CNTNAP2: variants seen among roughly 807,000 people sequenced by gnomAD.
The protein encoded by CNTNAP2 is contactin-associated protein-like 2.
Under a neutral mutation model 155.2 loss-of-function variants are expected in CNTNAP2, and 98 were observed. The ratio of observed to expected loss-of-function variants is 0.63; its 90% confidence interval spans 0.54 to 0.75. The LOEUF (loss-of-function observed/expected upper bound fraction) is 0.75. CNTNAP2 is among the 30% of genes least tolerant of loss of function. The pLI is 0.00. For missense variants in CNTNAP2, 1,727 were observed against 1,688.1 expected, an observed-to-expected ratio of 1.02 and a Z score of -0.40; for synonymous variants, 651 against 631.2, an observed-to-expected ratio of 1.03 and a Z score of -0.47.
rs560907638 is a variant in CNTNAP2, at chr7:146,617,589, G to T, written c.98-156682G>T. On this transcript the variant is annotated intron_variant, in intron 1 of 23. Coordinates refer to ENST00000361727, the MANE Select transcript of CNTNAP2 (RefSeq NM_014141.6). ...AAAGTTACACTGATCTTAAAATAAT[G>T]GTTTATCTAGCCATGAAGTATTTCA... is the stretch of plus-strand genomic sequence containing the variant. Among the ~76,000 whole-genome samples, 4 of 152,134 alleles carry T rather than the reference G, an allele frequency of 2.6e-5. No homozygotes were observed. In the East Asian group the frequency reaches 7.7e-4, roughly 29 times the overall value.
At chr7:147,779,215 G>T (rs886722757) in intron 13 of CNTNAP2, among the ~76,000 whole-genome samples, 4 of 152,188 alleles carry the variant, frequency 2.6e-5, no homozygotes, top group Non-Finnish European at 5.9e-5. Context: ...CTTGCAGCTG[G>T]TTTTGTTGGT....
intron 1 of CNTNAP2, among the ~76,000 whole-genome samples, chr7:146,595,039 A>G (rs376324789): frequency 9.9e-5 from 15 of 152,224 alleles, no homozygotes; most frequent in Admixed American, 7.9e-4. Context: ...AATGATGGAT[A>G]TGTTTAACCA....
intron 11 of CNTNAP2, 53 bp downstream of exon 11, chr7:147,486,094 T>G (rs1584764346): frequency 2.0e-6 from 3 of 1,491,832 alleles, no homozygotes; most frequent in Non-Finnish European, 2.8e-6. Context: ...GAATCTCAAG[T>G]CTTGAGCTGT....
intron 21 of CNTNAP2, among the ~76,000 whole-genome samples, chr7:148,281,654 A>G (rs1045646295): frequency 3.9e-5 from 6 of 152,110 alleles, no homozygotes; most frequent in Admixed American, 6.5e-5. Flanking sequence ...ATTCTTTTTT[A>G]ATTGCATTGA....
At chr7:146,991,424 C>A (rs796647636) in intron 3 of CNTNAP2, among the ~76,000 whole-genome samples, 1 of 152,134 alleles carries the variant, frequency 6.6e-6, no homozygotes. Flanking sequence ...GCAGGACCAA[C>A]CCATGTGGTA....
At chr7:148,350,050 C>T (rs1035252402) in intron 21 of CNTNAP2, among the ~76,000 whole-genome samples, 1 of 151,980 alleles carries the variant, frequency 6.6e-6, no homozygotes, top group Non-Finnish European at 1.5e-5. Context: ...GGTGGGGAGA[C>T]CATGAGTGGA....
intron 15 of CNTNAP2, among the ~76,000 whole-genome samples, chr7:148,060,211 T>C (rs563491609): frequency 1.5e-4 from 23 of 152,322 alleles, no homozygotes; most frequent in Non-Finnish European, 3.2e-4. Flanking sequence ...ATAAGCTTGT[T>C]ATTAAATAAA....
At chr7:148,410,698 T>G (rs1038934938) in intron 23 of CNTNAP2, among the ~76,000 whole-genome samples, 1 of 151,812 alleles carries the variant, frequency 6.6e-6, no homozygotes, top group Non-Finnish European at 1.5e-5. Context: ...AAGACAAATA[T>G]TGCATATTCT....
chr7:146,308,373 A>T (rs1405980754), intron 1 of CNTNAP2, among the ~76,000 whole-genome samples: 3 of 150,866 alleles, frequency 2.0e-5, no homozygotes, highest in Non-Finnish European at 4.4e-5. Context: ...CTTTTACACC[A>T]TTGGTGGGAT....
At chr7:146,974,249 C>T (rs1033578319) in intron 3 of CNTNAP2, among the ~76,000 whole-genome samples, 1 of 151,846 alleles carries the variant, frequency 6.6e-6, no homozygotes, top group Admixed American at 6.6e-5. Context: ...AGTTCAAGAC[C>T]AGCCTGGCCA....
intron 15 of CNTNAP2, among the ~76,000 whole-genome samples, chr7:148,108,303 G>T (rs1804267419): frequency 6.6e-6 from 1 of 151,986 alleles, no homozygotes; most frequent in Non-Finnish European, 1.5e-5. Context: ...GCGTAACACA[G>T]GGCTGGTGCT....
intron 3 of CNTNAP2, among the ~76,000 whole-genome samples, chr7:147,037,818 C>A (rs375242764): frequency 6.6e-6 from 1 of 152,108 alleles, no homozygotes; most frequent in African/African-American, 2.4e-5. Context: ...ATTAAATCAA[C>A]GGCTACATCT....
chr7:147,575,184 ATGTGTG>A (rs137975569), intron 12 of CNTNAP2, among the ~76,000 whole-genome samples: 1 of 17,062 alleles, frequency 5.9e-5, no homozygotes, highest in South Asian at 2.1e-3. Context: ...GCATATGTGT[ATGTGTG>A]TGTGTGTGTG....
intron 15 of CNTNAP2, among the ~76,000 whole-genome samples, chr7:148,110,752 C>T (rs1004753771): frequency 3.9e-5 from 6 of 152,084 alleles, no homozygotes; most frequent in Admixed American, 2.0e-4. Flanking sequence ...CCCAGCTCCC[C>T]GCTATGACCC....
chr7:146,738,230 T>C (rs1479131622), intron 1 of CNTNAP2, among the ~76,000 whole-genome samples: 1 of 152,076 alleles, frequency 6.6e-6, no homozygotes, highest in Non-Finnish European at 1.5e-5. Context: ...TGATATCTCA[T>C]TGGGTTTTAA....
chr7:146,493,374 A>G (rs1797167838), intron 1 of CNTNAP2, among the ~76,000 whole-genome samples: 2 of 152,146 alleles, frequency 1.3e-5, no homozygotes, highest in Non-Finnish European at 2.9e-5. Context: ...AAATAAGTAG[A>G]TTGTTTTGGA....
intron 8 of CNTNAP2, among the ~76,000 whole-genome samples, chr7:147,251,266 C>T (rs1804190964): frequency 6.6e-6 from 1 of 152,112 alleles, no homozygotes; most frequent in Non-Finnish European, 1.5e-5. Context: ...AAGACTCTGC[C>T]CACATTAAAA....
chr7:147,497,803 C>T (rs1344919264), intron 11 of CNTNAP2, among the ~76,000 whole-genome samples: 1 of 152,196 alleles, frequency 6.6e-6, no homozygotes, highest in East Asian at 1.9e-4. Flanking sequence ...GCAGGCCAGA[C>T]TGATTGTCCT....
chr7:146,466,288 G>A (rs1028242818), intron 1 of CNTNAP2, among the ~76,000 whole-genome samples: 2 of 152,110 alleles, frequency 1.3e-5, no homozygotes, highest in Non-Finnish European at 2.9e-5. Flanking sequence ...CATGTGAGTG[G>A]CTGGGAGTGG....
Sources: allele counts gnomAD v4.1 joint callset (sites outside exome capture counted in the v4.1 genomes callset), GRCh38; gene constraint gnomAD v4.1.1; transcripts MANE v1.5; gene names NCBI Gene and HGNC (gene_info 2026-07-23, HGNC 2026-07-21).